DACH1: variants seen among roughly 807,000 people sequenced by gnomAD.
DACH1 encodes dachshund family transcription factor 1, also known as dachshund homolog 1.
In DACH1, 12 loss-of-function variants were observed where a neutral mutation model predicts 54.2. The ratio of observed to expected loss-of-function variants is 0.22; its 90% CI spans 0.14 to 0.36. The LOEUF is 0.36. Ranked by LOEUF, DACH1 falls within the 10% of genes least tolerant of loss-of-function variation. DACH1 has a pLI of 1.00. For missense variants in DACH1, 805 were observed against 929.8 expected (o/e 0.87, Z 1.75); for synonymous variants, 386 against 366.2 (o/e 1.05, Z -0.62).
rs71123234 is a variant in DACH1 at position 71,590,875 on chromosome 13, C to CTTTTTTT, written c.1127-17870_1127-17864dup. On this transcript the variant is annotated intron_variant, in intron 3 of 10. Transcript: ENST00000613252. Reference sequence around the variant, plus strand: ...TCTCTCTGTCTCTGTCTCTCTCTTTCTTTTTTTTTTTTTTTTTTTTTTTGA... The same window carrying CTTTTTTT: ...TCTCTCTGTCTCTGTCTCTCTCTTTCTTTTTTTTTTTTTTTTTTTTTTTTTTTTTTGA... Among the ~76,000 whole-genome samples, 609 of 85,016 alleles carry CTTTTTTT rather than the reference C, an allele frequency of 7.2e-3. 3 individuals are homozygous for CTTTTTTT. The highest frequency in any genetic ancestry group is 9.5e-3 in the Non-Finnish European group (439 of 46,304). 55.8% of individuals were successfully genotyped at this position (85,016 alleles called of 152,430 possible). A position where few individuals can be genotyped will look rare whatever the true frequency, so the allele number is the denominator to read the frequency against.
chr13:71,464,440 A>C (rs1876372028), intron 10 of DACH1: 1 of 268,958 alleles, frequency 3.7e-6, no homozygotes, highest in African/African-American at 2.3e-5. Flanking sequence ...AATTATAAAA[A>C]CATTTAAAAC....
intron 2 of DACH1, among the ~76,000 whole-genome samples, chr13:71,671,305 T>C (rs1594077647): frequency 6.6e-6 from 1 of 151,774 alleles, no homozygotes; most frequent in African/African-American, 2.4e-5. Flanking sequence ...AAAAAAAAAG[T>C]ATCCGTTAGC....
intron 1 of DACH1, among the ~76,000 whole-genome samples, chr13:71,755,735 G>A (rs1311408724): frequency 8.5e-5 from 13 of 152,140 alleles, no homozygotes; most frequent in Admixed American, 7.9e-4. Flanking sequence ...AATAGAGACA[G>A]ACTTGTATAA....
chr13:71,768,710 G>A (rs1885736491), intron 1 of DACH1, among the ~76,000 whole-genome samples: 1 of 151,778 alleles, frequency 6.6e-6, no homozygotes, highest in Non-Finnish European at 1.5e-5. Context: ...AAACTTTTCT[G>A]GCATTGTTTG....
At chr13:71,624,655 T>C (rs183953206) in intron 3 of DACH1, among the ~76,000 whole-genome samples, 147 of 152,022 alleles carry the variant, frequency 9.7e-4, no homozygotes, top group African/African-American at 3.2e-3. Flanking sequence ...TGTTAAACAA[T>C]AGCAAATTTC....
intron 4 of DACH1, among the ~76,000 whole-genome samples, chr13:71,561,539 C>G (rs1007643366): frequency 6.6e-6 from 1 of 152,082 alleles, no homozygotes; most frequent in African/African-American, 2.4e-5. Context: ...CTATAGAAAG[C>G]GAAGGATTCT....
At chr13:71,615,756 T>C (rs1382811527) in intron 3 of DACH1, among the ~76,000 whole-genome samples, 1 of 152,182 alleles carries the variant, frequency 6.6e-6, no homozygotes. Context: ...ATATTCTATA[T>C]GATTTGAACT....
intron 1 of DACH1, among the ~76,000 whole-genome samples, chr13:71,718,583 A>AG (rs984934485): frequency 6.6e-6 from 1 of 151,426 alleles, no homozygotes; most frequent in Non-Finnish European, 1.5e-5. Context: ...CTGAAAAAAA[A>AG]AAAAAAAAAT....
intron 10 of DACH1, among the ~76,000 whole-genome samples, chr13:71,469,130 C>T (rs993981400): frequency 4.5e-4 from 69 of 152,220 alleles, no homozygotes; most frequent in African/African-American, 1.6e-3. Context: ...AACCCAGAAA[C>T]CCCATTAACT....
At chr13:71,834,292 GA>G (rs1298309576) in intron 1 of DACH1, among the ~76,000 whole-genome samples, 2 of 152,140 alleles carry the variant, frequency 1.3e-5, no homozygotes, top group East Asian at 3.9e-4. Context: ...GCAGTGGAAA[GA>G]GAATGGGTGC....
At chr13:71,711,715 T>A (rs1316391137) in intron 1 of DACH1, among the ~76,000 whole-genome samples, 2 of 152,086 alleles carry the variant, frequency 1.3e-5, no homozygotes, top group African/African-American at 4.8e-5. Flanking sequence ...ATTTTGTCAT[T>A]TCAGTGTGAT....
In DACH1 at chr13:71,604,336, T is replaced by A. The variant is rs187395240; in HGVS notation, c.1126+26220A>T. On this transcript the variant is annotated intron_variant, in intron 3 of 10. Coordinates refer to ENST00000613252, the MANE Select transcript of DACH1 (RefSeq NM_080759.6). The stretch of plus-strand genomic sequence containing the variant: ...AGTGATTAAGTAAAAATGAACTAAG[T>A]ATCCTAACAGATAAATAAAAACAGA... Among the ~76,000 whole-genome samples the A allele has an allele frequency of 2.2e-3, 330 of 152,082 alleles. 4 individuals are homozygous for A. Among genetic ancestry groups the A allele is most frequent in the South Asian group, 4.1e-3 (20 of 4,832 alleles).
chr13:71,840,503 A>T (rs1437001349), intron 1 of DACH1, among the ~76,000 whole-genome samples: 1 of 152,154 alleles, frequency 6.6e-6, no homozygotes, highest in Non-Finnish European at 1.5e-5. Flanking sequence ...CGATTAATAG[A>T]TATATCCTAA....
intron 4 of DACH1, among the ~76,000 whole-genome samples, chr13:71,565,088 T>C (rs575807638): frequency 3.2e-4 from 49 of 152,190 alleles, no homozygotes; most frequent in Middle Eastern, 3.4e-3. Context: ...ACTTGATTAA[T>C]TTTTTGTATT....
intron 6 of DACH1, among the ~76,000 whole-genome samples, chr13:71,531,657 C>A (rs1882423986): frequency 6.6e-6 from 1 of 151,888 alleles, no homozygotes; most frequent in African/African-American, 2.4e-5. Flanking sequence ...ATAAAAAAAT[C>A]AGTTCCCAAT....
chr13:71,743,152 T>C (rs1884470886), intron 1 of DACH1, among the ~76,000 whole-genome samples: 1 of 152,122 alleles, frequency 6.6e-6, no homozygotes, highest in African/African-American at 2.4e-5. Context: ...TACACTTAAC[T>C]CACTGCCGAA....
intron 2 of DACH1, among the ~76,000 whole-genome samples, chr13:71,648,774 G>A (rs774692663): frequency 2.0e-5 from 3 of 152,032 alleles, no homozygotes; most frequent in Non-Finnish European, 4.4e-5. Context: ...GCCATAGGAC[G>A]CATAAAAGGT....
At chr13:71,812,807 T>A (rs1887768953) in intron 1 of DACH1, among the ~76,000 whole-genome samples, 1 of 152,192 alleles carries the variant, frequency 6.6e-6, no homozygotes, top group South Asian at 2.1e-4. Context: ...CTGACCCCCA[T>A]GACCAAATTT....
At chr13:71,646,294 G>A (rs1264722760) in intron 2 of DACH1, among the ~76,000 whole-genome samples, 4 of 149,228 alleles carry the variant, frequency 2.7e-5, no homozygotes, top group Admixed American at 6.7e-5. Flanking sequence ...CCGAGACTGC[G>A]CCATTGCACT....
Sources: gnomAD v4.1 joint callset for allele counts (sites outside exome capture counted in the v4.1 genomes callset) on GRCh38, gnomAD v4.1.1 for gene constraint, MANE v1.5 for transcripts, NCBI Gene and HGNC (gene_info 2026-07-23, HGNC 2026-07-21) for gene names.